Variants in MAPKBP1 observed in about 807,000 individuals in gnomAD.
The protein encoded by MAPKBP1 is mitogen-activated protein kinase binding protein 1, also known as mitogen-activated protein kinase-binding protein 1.
In MAPKBP1, 71 loss-of-function variants were observed where a neutral mutation model predicts 170.5. The ratio of observed to expected loss-of-function variants is 0.42; its 90% CI spans 0.34 to 0.51. MAPKBP1 has a LOEUF of 0.51. Ranked by LOEUF, MAPKBP1 falls within the 20% of genes least tolerant of loss-of-function variation. The pLI is 0.06. For synonymous variants in MAPKBP1, 719 were observed against 757.9 expected, an observed-to-expected ratio of 0.95 and a Z score of 0.84; for missense variants, 1,598 against 1,933.0, an observed-to-expected ratio of 0.83 and a Z score of 3.25.
intron 2 of MAPKBP1, among the ~76,000 whole-genome samples, chr15:41,790,007 C>T (rs1033486608): frequency 1.3e-5 from 2 of 152,206 alleles, no homozygotes; most frequent in African/African-American, 4.8e-5. Flanking sequence ...CTGGTTCTTC[C>T]ACTCACTACT....
Position 41,819,541 on chromosome 15 carries a change from G to GGGT in MAPKBP1, c.2426-51_2426-49dup. On this transcript the variant is annotated intron_variant, in intron 21 of 30. Transcript: ENST00000457542. ...CTGATGGGGCCAGGGCTCCAGGGTT[G>GGGT]GGTGGCGGGGGGGGGGCAGGAGACA... The GGGT allele has an allele frequency of 6.0e-6, 9 of 1,499,846 alleles. No individual in the cohort carries two copies. The South Asian group carries it at 8.1e-5, about 14-fold the overall frequency. 92.9% of individuals were successfully genotyped at this position (1,499,846 alleles called of 1,614,324 possible).
chr15:41,821,616 A>G lies in MAPKBP1; in HGVS notation c.2751A>G (p.Gln917=). ...NEKPPRPQAS[Q]PCSYPHIIRL... is the part of the protein sequence containing the mutation. Reference sequence around the variant, plus strand: ...AGCCCCCTCGGCCTCAGGCTTCCCAACCTTGTTCCTATCCCCATATTATCC... The same window carrying G: ...AGCCCCCTCGGCCTCAGGCTTCCCAGCCTTGTTCCTATCCCCATATTATCC... The change falls in exon 24 of 31, where the codon CAA becomes CAG. Residue 917 remains glutamine (Q), a synonymous_variant. Coordinates refer to ENST00000457542, the MANE Select transcript of MAPKBP1 (RefSeq NM_014994.3). 6.2e-7 allele frequency: 1 copy of G among 1,613,716 alleles called. No individual in the cohort carries two copies. The highest frequency in any genetic ancestry group is 8.5e-7 in the Non-Finnish European group (1 of 1,179,910).
intron 3 of MAPKBP1, among the ~76,000 whole-genome samples, chr15:41,805,024 T>C (rs1358383195): frequency 6.6e-6 from 1 of 152,210 alleles, no homozygotes; most frequent in African/African-American, 2.4e-5. Flanking sequence ...CCCCACGCTC[T>C]TGTTCCTCCT....
intron 22 of MAPKBP1, 57 bp from the exon 23 acceptor site, chr15:41,820,775 T>G: frequency 7.8e-7 from 1 of 1,285,466 alleles, no homozygotes; most frequent in Non-Finnish European, 1.1e-6. Context: ...TGTGGATATT[T>G]GTTGATCTTA....
At position 41,823,862 on chromosome 15, in the gene MAPKBP1, G is replaced by C. The variant is rs2152085040; in HGVS notation, c.4014G>C (p.Trp1338Cys). The C allele has an allele frequency of 6.2e-7, 1 of 1,614,214 alleles. No individual in the cohort carries two copies. Among genetic ancestry groups the C allele is most frequent in the South Asian group, 1.1e-5 (1 of 91,086 alleles). Residue 1338 changes from tryptophan to cysteine, a missense_variant, in exon 29 of 31, where the codon TGG becomes TGC. Coordinates refer to ENST00000457542, the MANE Select transcript of MAPKBP1 (RefSeq NM_014994.3). Reference protein sequence around the residue: ...LGKAHSTTERWACLGEGTTPK... With the variant: ...LGKAHSTTERCACLGEGTTPK... Reference sequence around the variant, plus strand: ...AAGCTCACAGTACAACTGAGAGATGGGCCTGTTTGGGGGAGGGCACCACTC... The same window carrying C: ...AAGCTCACAGTACAACTGAGAGATGCGCCTGTTTGGGGGAGGGCACCACTC...
intron 2 of MAPKBP1, among the ~76,000 whole-genome samples, chr15:41,787,208 A>G (rs1001774470): frequency 3.3e-5 from 5 of 152,146 alleles, no homozygotes; most frequent in African/African-American, 1.2e-4. Context: ...TTTGAAGTAC[A>G]TGTGCTTTCT....
chr15:41,774,870 C>A (rs994012857), intron 1 of MAPKBP1: 1 of 427,782 alleles, frequency 2.3e-6, no homozygotes, highest in African/African-American at 2.0e-5. Flanking sequence ...CTACAGTTGC[C>A]ATGGGAACAG....
chr15:41,794,945 A>T (rs1014418611), intron 2 of MAPKBP1, among the ~76,000 whole-genome samples: 4 of 152,096 alleles, frequency 2.6e-5, no homozygotes, highest in African/African-American at 9.7e-5. Context: ...CGGGCAGATC[A>T]CTTGAGGTCA....
At chr15:41,778,295 T>C (rs771574206) in intron 2 of MAPKBP1, among the ~76,000 whole-genome samples, 11 of 152,136 alleles carry the variant, frequency 7.2e-5, no homozygotes, top group Non-Finnish European at 1.6e-4. Context: ...AAAACTACGA[T>C]TAATAAAATG....
At chr15:41,813,221 G>A (rs1477124491) in intron 8 of MAPKBP1, 120 bp downstream of exon 8, 4 of 1,511,566 alleles carry the variant, frequency 2.6e-6, no homozygotes, top group Admixed American at 1.8e-5. Context: ...CCAGGAGAAC[G>A]AAGCTTGGGG....
At chr15:41,810,188 C>G (rs974122799) in intron 3 of MAPKBP1, among the ~76,000 whole-genome samples, 2 of 152,194 alleles carry the variant, frequency 1.3e-5, no homozygotes, top group Non-Finnish European at 2.9e-5. Context: ...GCACCCGAGG[C>G]CTGCTTTGCC....
chr15:41,780,025 C>T (rs986378791), intron 2 of MAPKBP1, among the ~76,000 whole-genome samples: 1 of 152,198 alleles, frequency 6.6e-6, no homozygotes, highest in African/African-American at 2.4e-5. Context: ...GGATGCTTCT[C>T]TCCCTGGACC....
chr15:41,808,988 C>T (rs1042418208), intron 3 of MAPKBP1, among the ~76,000 whole-genome samples: 2 of 151,590 alleles, frequency 1.3e-5, no homozygotes, highest in African/African-American at 4.9e-5. Context: ...ATTGCTTGAG[C>T]CCAGGAGGTC....
In MAPKBP1 at chr15:41,823,573, A is replaced by G. The variant is rs773054628; in HGVS notation, c.3725A>G (p.Gln1242Arg). Residue 1242 changes from glutamine to arginine, a missense_variant, in exon 29 of 31, where the codon CAG becomes CGG. By Grantham distance (43) the Gln-to-Arg change is conservative. Around this residue, in one of 6 missense-constraint regions of MAPKBP1, gnomAD observed 942 missense variants for 953.2 expected, o/e 0.99. Coordinates refer to ENST00000457542, the MANE Select transcript of MAPKBP1 (RefSeq NM_014994.3). ...CGTCCGTCTCGGCCTCACTCCTATCAGAACCCCACCACCAGTTCCATGGCC... is the reference window on the plus strand; with the variant it reads ...CGTCCGTCTCGGCCTCACTCCTATCGGAACCCCACCACCAGTTCCATGGCC... Reference protein sequence around the residue: ...DGRPSRPHSYQNPTTSSMAKI... With the variant: ...DGRPSRPHSYRNPTTSSMAKI... 2 of 1,614,168 alleles carry G rather than the reference A, an allele frequency of 1.2e-6. No individual in the cohort carries two copies. The highest frequency in any genetic ancestry group is 1.1e-5 in the South Asian group (1 of 91,086).
rs762745701 is a variant in MAPKBP1 at position 41,775,346 on chromosome 15, G to A, written c.71G>A (p.Arg24His). 6.2e-7 allele frequency: 1 copy of A among 1,614,166 alleles called. No homozygotes were observed. Among genetic ancestry groups the A allele is most frequent in the Non-Finnish European group, 8.5e-7 (1 of 1,180,038 alleles). ...NLLRSPSIKL[R>H]RSKAGNRRED... ...TTGAGATCTCCATCCATCAAACTGC[G>A]CAGGAGTAAGGCAGGAAACCGACGA... Residue 24 changes from arginine (R) to histidine (H), a missense_variant, in exon 2 of 31, where the codon CGC becomes CAC. Coordinates refer to ENST00000457542, the MANE Select transcript of MAPKBP1 (RefSeq NM_014994.3).
rs771502415 is a variant in MAPKBP1 at position 41,822,439 on chromosome 15, A to C, written c.3229+17A>C. On this transcript the variant is annotated intron_variant, in intron 26 of 30. Transcript: ENST00000457542. The stretch of plus-strand genomic sequence containing the variant: ...CTGCTCCAGGTGTGGTCAGAGGGCC[A>C]GCATTTAGTGCCTGCAATTTGCCCT... The C allele has an allele frequency of 6.2e-7, 1 of 1,612,076 alleles. No homozygotes were observed. Among genetic ancestry groups the C allele is most frequent in the African/African-American group, 1.3e-5 (1 of 74,858 alleles).
chr15:41,780,443 A>G (rs965893853), intron 2 of MAPKBP1, among the ~76,000 whole-genome samples: 15 of 152,342 alleles, frequency 9.8e-5, no homozygotes, highest in African/African-American at 3.6e-4. Flanking sequence ...TATTCAAACT[A>G]AGCTTCTCTG....
intron 3 of MAPKBP1, among the ~76,000 whole-genome samples, chr15:41,803,000 A>C (rs2064624885): frequency 6.6e-6 from 1 of 152,178 alleles, no homozygotes; most frequent in Admixed American, 6.5e-5. Context: ...AAATGTTATT[A>C]TGTGACGTAT....
At chr15:41,805,132 A>T (rs1004097736) in intron 3 of MAPKBP1, among the ~76,000 whole-genome samples, 2 of 152,200 alleles carry the variant, frequency 1.3e-5, no homozygotes, top group Non-Finnish European at 2.9e-5. Context: ...ATATCAAACC[A>T]AAACAAAGTT....
Sources: gnomAD v4.1 joint callset for allele counts (sites outside exome capture counted in the v4.1 genomes callset) on GRCh38, gnomAD v4.1.1 for gene constraint, gnomAD v4.1.1 regional missense constraint, MANE v1.5 for transcripts, NCBI Gene and HGNC (gene_info 2026-07-23, HGNC 2026-07-21) for gene names.